STXBP4: variants seen among roughly 807,000 people sequenced by gnomAD.
STXBP4 encodes the protein syntaxin binding protein 4.
Under a neutral mutation model 76.1 loss-of-function variants are expected in STXBP4, and 55 were observed. The ratio of observed to expected loss-of-function variants is 0.72; its 90% CI spans 0.58 to 0.91. The LOEUF (loss-of-function observed/expected upper bound fraction) is 0.91, where lower values mean the gene tolerates loss of function less well. Ranked by LOEUF, STXBP4 falls within the 40% of genes least tolerant of loss-of-function variation. The probability of loss-of-function intolerance (pLI) is 0.00; values close to 1 mark genes in which losing one functional copy is unlikely to be tolerated. For missense variants in STXBP4, 618 were observed against 636.9 expected (o/e 0.97, Z 0.32); for synonymous variants, 201 against 220.2 (o/e 0.91, Z 0.77).
intron 16 of STXBP4, among the ~76,000 whole-genome samples, chr17:55,128,944 T>G (rs867935295): frequency 0.01 from 1,499 of 147,494 alleles, 7 homozygotes; most frequent in East Asian, 0.041. Context: ...TTTTTTTTTT[T>G]TTTTGAGACA....
At chr17:55,034,389 A>G (rs2078562959) in intron 10 of STXBP4, 130 bp downstream of exon 10, 1 of 538,592 alleles carries the variant, frequency 1.9e-6, no homozygotes, top group Non-Finnish European at 3.0e-6. Context: ...ATATATAAAT[A>G]CAAATCAATT....
At chr17:54,997,256 A>G (rs1382674713) in intron 4 of STXBP4, among the ~76,000 whole-genome samples, 1 of 152,166 alleles carries the variant, frequency 6.6e-6, no homozygotes, top group Non-Finnish European at 1.5e-5. Context: ...GAGGCAAAGA[A>G]AAAAACTAAC....
At chr17:55,071,671 C>T (rs968966984) in intron 12 of STXBP4, among the ~76,000 whole-genome samples, 1 of 152,098 alleles carries the variant, frequency 6.6e-6, no homozygotes, top group Non-Finnish European at 1.5e-5. Flanking sequence ...TGAAACAGAA[C>T]CTGACACATA....
At chr17:54,980,387 G>A (rs533126004) in intron 1 of STXBP4, among the ~76,000 whole-genome samples, 10 of 152,154 alleles carry the variant, frequency 6.6e-5, no homozygotes, top group South Asian at 4.1e-4. Context: ...ACTACAAGTC[G>A]TCCAGGTTCT....
In STXBP4 at chr17:55,125,479, C is replaced by CAAAAAAAAAAAA. The variant is rs10632680; in HGVS notation, c.1490-15821_1490-15810dup. Among the ~76,000 whole-genome samples the CAAAAAAAAAAAA allele has an allele frequency of 8.4e-3, 770 of 91,678 alleles. 6 individuals carry two copies. Among genetic ancestry groups the CAAAAAAAAAAAA allele is most frequent in the Non-Finnish European group, 0.012 (556 of 46,852 alleles). The allele number at this position is 91,678 out of a possible 152,430, so 60.1% of individuals were successfully genotyped here. A position where few individuals can be genotyped will look rare whatever the true frequency, so the allele number is the denominator to read the frequency against. On this transcript the variant is annotated intron_variant, in intron 16 of 17. Coordinates refer to ENST00000376352, the MANE Select transcript of STXBP4 (RefSeq NM_178509.6). ...CCTATTGTAAACCCTGGACAAAATA[C>CAAAAAAAAAAAA]AAAAAAAAAAAAAAAAAAAAATACA...
rs191411400 is a variant in STXBP4, at chr17:55,025,136, G to A, written c.667-6032G>A. Among the ~76,000 whole-genome samples the A allele has an allele frequency of 7.0e-4, 105 of 150,180 alleles. 2 individuals carry two copies. Among genetic ancestry groups the A allele is most frequent in the Admixed American group, 2.9e-3 (42 of 14,678 alleles). On this transcript the variant is annotated intron_variant, in intron 8 of 17. Coordinates refer to ENST00000376352, the MANE Select transcript of STXBP4 (RefSeq NM_178509.6). ...AGCCTGGGTGACAGAGCGAGACTCC[G>A]TCTCAAAAAAAAAAATTTAATTTAA...
intron 12 of STXBP4, among the ~76,000 whole-genome samples, chr17:55,063,880 T>G (rs1051836277): frequency 2.6e-5 from 4 of 152,196 alleles, no homozygotes; most frequent in Non-Finnish European, 5.9e-5. Context: ...AAACATCTAC[T>G]TAGAAGCTGA....
Position 54,994,106 on chromosome 17 carries a change from C to T in STXBP4, c.180+3149C>T, listed in dbSNP as rs181546253. The stretch of plus-strand genomic sequence containing the variant: ...TTCAGTTCAAGCAGAACCAAGATTC[C>T]CTCAGCTCTAAGAGCTAGAGGCACC... On this transcript the variant is annotated intron_variant, in intron 4 of 17. Transcript: ENST00000376352. Among the ~76,000 whole-genome samples, 66 of 152,196 alleles carry T rather than the reference C, an allele frequency of 4.3e-4. 1 individual carries two copies. Among genetic ancestry groups the T allele is most frequent in the Admixed American group, 2.5e-3 (38 of 15,300 alleles).
intron 12 of STXBP4, among the ~76,000 whole-genome samples, chr17:55,058,381 C>A (rs552315416): frequency 3.2e-4 from 49 of 152,238 alleles, no homozygotes; most frequent in Non-Finnish European, 4.4e-5. Context: ...ATATCCTTCA[C>A]CCACTTTTTG....
At chr17:55,060,713 A>T (rs2078985377) in intron 12 of STXBP4, among the ~76,000 whole-genome samples, 1 of 152,186 alleles carries the variant, frequency 6.6e-6, no homozygotes, top group South Asian at 2.1e-4. Context: ...CTTACAGAAT[A>T]ACCGAGCTTA....
intron 11 of STXBP4, chr17:55,044,876 TA>T (rs1248885653): frequency 6.6e-6 from 1 of 151,996 alleles, no homozygotes; most frequent in African/African-American, 2.4e-5. Context: ...TCTCTCTTTA[TA>T]AGAATTATAT....
chr17:55,127,361 A>G (rs2079923847), intron 16 of STXBP4, among the ~76,000 whole-genome samples: 1 of 152,128 alleles, frequency 6.6e-6, no homozygotes, highest in Non-Finnish European at 1.5e-5. Context: ...GGATCTTCCA[A>G]TTGTTTTCAA....
intron 8 of STXBP4, among the ~76,000 whole-genome samples, chr17:55,014,557 C>T (rs920641963): frequency 7.2e-5 from 11 of 152,060 alleles, no homozygotes; most frequent in Non-Finnish European, 1.3e-4. Flanking sequence ...ACACCAGTGT[C>T]CAGGAGACAG....
chr17:54,997,788 A>G (rs1181270254), intron 4 of STXBP4, among the ~76,000 whole-genome samples: 1 of 141,138 alleles, frequency 7.1e-6, no homozygotes, highest in Non-Finnish European at 1.5e-5. Flanking sequence ...GGGTCTAACT[A>G]TGTTGCCCAG....
intron 17 of STXBP4, among the ~76,000 whole-genome samples, chr17:55,158,420 A>G (rs1345422729): frequency 6.6e-6 from 1 of 152,178 alleles, no homozygotes; most frequent in Non-Finnish European, 1.5e-5. Flanking sequence ...GGCTAGGGAA[A>G]CTGATCTAGG....
chr17:55,128,940 T>G (rs1432967188), intron 16 of STXBP4, among the ~76,000 whole-genome samples: 1 of 144,600 alleles, frequency 6.9e-6, no homozygotes, highest in African/African-American at 2.6e-5. Flanking sequence ...TTTTTTTTTT[T>G]TTTTTTTTGA....
chr17:55,150,033 T>A (rs1204733864), intron 17 of STXBP4, among the ~76,000 whole-genome samples: 1 of 152,212 alleles, frequency 6.6e-6, no homozygotes, highest in Admixed American at 6.5e-5. Context: ...ATAAAGTACT[T>A]TGAAAACTCG....
chr17:55,025,401 C>T (rs919835053), intron 8 of STXBP4, among the ~76,000 whole-genome samples: 1 of 151,900 alleles, frequency 6.6e-6, no homozygotes, highest in Non-Finnish European at 1.5e-5. Context: ...TAGTTCCGGC[C>T]CATCTATTTA....
chr17:55,091,266 C>A (rs1266820227), intron 16 of STXBP4, among the ~76,000 whole-genome samples: 3 of 152,002 alleles, frequency 2.0e-5, no homozygotes. Context: ...ATATCAAGAG[C>A]TTTTTAAATA....
Sources: allele counts gnomAD v4.1 joint callset (sites outside exome capture counted in the v4.1 genomes callset), GRCh38; gene constraint gnomAD v4.1.1; transcripts MANE v1.5; gene names NCBI Gene and HGNC (gene_info 2026-07-23, HGNC 2026-07-21).